DPH6: variants seen among roughly 807,000 people sequenced by gnomAD.
DPH6 encodes diphthine--ammonia ligase.
DPH6 carries 33 observed loss-of-function variants against 38.2 expected under a neutral mutation model. That is an observed-to-expected ratio of 0.86 (90% CI 0.65 to 1.15). The LOEUF is 1.15. Ranked by LOEUF, DPH6 falls within the 50% of genes most tolerant of loss-of-function variation. DPH6 has a pLI of 0.00. For missense variants in DPH6, 325 were observed against 320.0 expected (o/e 1.02, Z -0.12); for synonymous variants, 108 against 103.0 (o/e 1.05, Z -0.30).
At chr15:35,236,683 G>C (rs1179656878) in intron 3 of DPH6, among the ~76,000 whole-genome samples, 1 of 151,866 alleles carries the variant, frequency 6.6e-6, no homozygotes, top group Non-Finnish European at 1.5e-5. Context: ...AGTGTTATTG[G>C]TAATCAGGTA....
downstream of DPH6, among the ~76,000 whole-genome samples, chr15:35,368,059 T>C (rs1325872755): frequency 6.6e-6 from 1 of 151,914 alleles, no homozygotes; most frequent in Non-Finnish European, 1.5e-5. Flanking sequence ...TGTAACCTAG[T>C]AGAAAGAATA....
rs766595286 is a variant in DPH6, at chr15:35,521,978, T to C, written c.312+16296A>G. 272 of 1,461,060 alleles carry C rather than the reference T, an allele frequency of 1.9e-4. 5 individuals are homozygous for C. Among genetic ancestry groups the C allele is most frequent in the Admixed American group, 1.9e-4 (7 of 37,196 alleles). 90.5% of individuals were successfully genotyped at this position (1,461,060 alleles called of 1,614,324 possible). On this transcript the variant is annotated intron_variant, in intron 3 of 8. Coordinates refer to ENST00000256538, the MANE Select transcript of DPH6 (RefSeq NM_080650.4). ...AATCTTGCCTAGGTAAGTACTAAAC[T>C]AAGCCGTCAACTACCAGCAAGCAGA... is the stretch of plus-strand genomic sequence containing the variant.
chr15:35,495,149 T>C (rs1457693068), intron 3 of DPH6, among the ~76,000 whole-genome samples: 1 of 152,170 alleles, frequency 6.6e-6, no homozygotes, highest in African/African-American at 2.4e-5. Flanking sequence ...AGTTCTAAAC[T>C]CCAGTACCTC....
rs376497360 is a variant in DPH6 at position 35,275,670 on chromosome 15, T to G, written n.201-55088A>C. ...CCACCATGGAACATGTATACCTATG[T>G]AACAAACTTGCACATTCTGCACATG... On this transcript the variant is annotated intron_variant and non_coding_transcript_variant, in intron 3 of 3. Coordinates refer to the DPH6 transcript ENST00000560386. 1.4e-4 allele frequency among the ~76,000 whole-genome samples: 22 copies of G among 151,954 alleles called. 4 individuals carry two copies. The highest frequency in any genetic ancestry group is 7.7e-4 in the East Asian group (4 of 5,168).
chr15:35,269,442 G>C (rs1056541412), intron 3 of DPH6, among the ~76,000 whole-genome samples: 1 of 151,942 alleles, frequency 6.6e-6, no homozygotes, highest in African/African-American at 2.4e-5. Context: ...ACCTATTTCC[G>C]TGAATTTTAG....
intron 5 of DPH6, among the ~76,000 whole-genome samples, chr15:35,447,030 G>A (rs1383289458): frequency 2.0e-5 from 3 of 151,976 alleles, no homozygotes; most frequent in Non-Finnish European, 4.4e-5. Flanking sequence ...CACCACGCAT[G>A]GCTAATTTTT....
At chr15:35,481,883 G>A (rs1446176312) in intron 3 of DPH6, among the ~76,000 whole-genome samples, 1 of 152,096 alleles carries the variant, frequency 6.6e-6, no homozygotes, top group African/African-American at 2.4e-5. Context: ...ATTTCAATAT[G>A]GTAGATTTAT....
chr15:35,238,934 G>A (rs1595441263), intron 3 of DPH6, among the ~76,000 whole-genome samples: 2 of 145,334 alleles, frequency 1.4e-5, no homozygotes, highest in East Asian at 4.1e-4. Flanking sequence ...CCTATAAAAC[G>A]GCCCCACCCT....
the DPH6 span, among the ~76,000 whole-genome samples, chr15:35,145,206 C>A: frequency 4.5e-4 from 69 of 152,304 alleles, no homozygotes; most frequent in African/African-American, 1.6e-3. Flanking sequence ...CTAGAGAGAA[C>A]CTCTTTTTAC....
the DPH6 span, among the ~76,000 whole-genome samples, chr15:35,158,784 A>G: frequency 6.6e-6 from 1 of 152,090 alleles, no homozygotes; most frequent in Non-Finnish European, 1.5e-5. Flanking sequence ...ACTGGAAATG[A>G]TAAAAAGAAA....
At chr15:35,362,681 C>T (rs1201604967) in intron 3 of DPH6, among the ~76,000 whole-genome samples, 1 of 152,198 alleles carries the variant, frequency 6.6e-6, no homozygotes, top group Non-Finnish European at 1.5e-5. Context: ...GTACCTTTAA[C>T]ATTCCACTAT....
At chr15:35,227,287 C>T (rs2051489102) in intron 3 of DPH6, among the ~76,000 whole-genome samples, 1 of 150,184 alleles carries the variant, frequency 6.7e-6, no homozygotes, top group South Asian at 2.1e-4. Context: ...GGGTTCATGC[C>T]ATTCTCCTGC....
At position 35,266,596 on chromosome 15, in the gene DPH6, C is replaced by T. The variant is rs183983214; in HGVS notation, n.201-46014G>A. ...CTGTTCTGATTGGCCAGTGCTAGTTCGATAATGCCTGTTAAGTATTTTGAA... is the reference window on the plus strand; with the variant it reads ...CTGTTCTGATTGGCCAGTGCTAGTTTGATAATGCCTGTTAAGTATTTTGAA... On this transcript the variant is annotated intron_variant and non_coding_transcript_variant, in intron 3 of 3. Transcript: ENST00000560386. 8.3e-3 allele frequency among the ~76,000 whole-genome samples: 1,259 copies of T among 152,178 alleles called. 10 individuals carry two copies. The highest frequency in any genetic ancestry group is 0.014 in the Non-Finnish European group (968 of 68,018).
chr15:35,326,206 T>C (rs2140852901), downstream of DPH6, among the ~76,000 whole-genome samples: 1 of 152,272 alleles, frequency 6.6e-6, no homozygotes, highest in South Asian at 2.1e-4. Flanking sequence ...CCTCTAACAT[T>C]GAACTTTTTC....
chr15:35,161,701 TC>T, the DPH6 span, among the ~76,000 whole-genome samples: 1 of 93,226 alleles, frequency 1.1e-5, no homozygotes, highest in Non-Finnish European at 3.0e-5. Context: ...GCTCGCTCTC[TC>T]TCTCTCTCTC....
intron 6 of DPH6, among the ~76,000 whole-genome samples, chr15:35,403,674 G>A (rs138840529): frequency 6.6e-6 from 1 of 151,880 alleles, no homozygotes; most frequent in East Asian, 1.9e-4. Context: ...TGCTTGGCTA[G>A]TTTTTTCATA....
At chr15:35,508,515 A>C (rs995436036) in intron 3 of DPH6, among the ~76,000 whole-genome samples, 1 of 152,144 alleles carries the variant, frequency 6.6e-6, no homozygotes, top group African/African-American at 2.4e-5. Flanking sequence ...CTGATGTTTA[A>C]TGACTCTGGC....
intron 3 of DPH6, among the ~76,000 whole-genome samples, chr15:35,526,402 T>C (rs2055002803): frequency 6.6e-6 from 1 of 152,212 alleles, no homozygotes; most frequent in South Asian, 2.1e-4. Context: ...AATATTAGCA[T>C]AATTTTGTCA....
chr15:35,220,844 T>A (rs1029412700), intron 3 of DPH6, among the ~76,000 whole-genome samples: 1 of 152,160 alleles, frequency 6.6e-6, no homozygotes, highest in Non-Finnish European at 1.5e-5. Context: ...ATTCCACCTC[T>A]AGCCTCCCAA....
Sources: gnomAD v4.1 joint callset for allele counts (sites outside exome capture counted in the v4.1 genomes callset) on GRCh38, gnomAD v4.1.1 for gene constraint, MANE v1.5 for transcripts, NCBI Gene and HGNC (gene_info 2026-07-23, HGNC 2026-07-21) for gene names.